ABCA4: variants seen among roughly 807,000 people sequenced by gnomAD.
The protein encoded by ABCA4 is ATP binding cassette subfamily A member 4, also known as retinal-specific phospholipid-transporting ATPase ABCA4.
A neutral mutation model predicts 263.7 loss-of-function variants in ABCA4; 196 were observed. The ratio of observed to expected loss-of-function variants is 0.74; its 90% CI spans 0.66 to 0.84. The LOEUF is 0.84. Among genes scored for constraint, ABCA4 ranks in the 40% least tolerant of loss-of-function variants. ABCA4 has a pLI of 0.00. For missense variants in ABCA4, 2,792 were observed against 2,855.1 expected (o/e 0.98, Z 0.50); for synonymous variants, 1,133 against 1,094.2 (o/e 1.04, Z -0.70).
At chr1:94,077,939 T>G (rs748230741) in intron 10 of ABCA4, 52 bp from the exon 11 acceptor site, 164 of 1,548,846 alleles carry the variant, frequency 1.1e-4, no homozygotes, top group Middle Eastern at 7.3e-4. Flanking sequence ...CCATAGGATC[T>G]TTGGTCTTGT....
In ABCA4 at chr1:94,030,466, T is replaced by C. The variant is rs1660168117; in HGVS notation, c.4314A>G (p.Pro1438=). 1.2e-6 allele frequency: 2 copies of C among 1,614,108 alleles called. No individual in the cohort carries two copies. The highest frequency in any genetic ancestry group is 1.3e-5 in the African/African-American group (1 of 74,944). ...TVLADVLLNK[P]GFGNRCLKEG... ...CCTTCAGGCAGCGGTTGCCAAAGCC[T>C]GGCTTATTCAGGAGGACGTCTGCAA... Residue 1438 remains proline (P), a synonymous_variant, in exon 29 of 50, where the codon CCA becomes CCG. Transcript: ENST00000370225.
intron 15 of ABCA4, among the ~76,000 whole-genome samples, chr1:94,055,589 T>G (rs912308446): frequency 1.3e-5 from 2 of 152,196 alleles, no homozygotes; most frequent in Non-Finnish European, 2.9e-5. Flanking sequence ...GCTAGACCTA[T>G]AGCTTCCTAG....
At chr1:94,059,869 A>C (rs1478829713) in intron 14 of ABCA4, among the ~76,000 whole-genome samples, 3 of 152,238 alleles carry the variant, frequency 2.0e-5, no homozygotes, top group African/African-American at 7.2e-5. Flanking sequence ...ATAATGTTTC[A>C]TTTCCAAGTC....
At chr1:94,002,287 G>A (rs1659212726) in intron 44 of ABCA4, among the ~76,000 whole-genome samples, 1 of 152,228 alleles carries the variant, frequency 6.6e-6, no homozygotes, top group South Asian at 2.1e-4. Context: ...GTCTCGCCCA[G>A]CGTCCTGGAC....
chr1:94,044,198 T>C (rs536927891), intron 20 of ABCA4, among the ~76,000 whole-genome samples: 4 of 151,422 alleles, frequency 2.6e-5, no homozygotes, highest in South Asian at 2.1e-4. Context: ...ATAAAAGATA[T>C]CTTATTGGGG....
Position 94,098,785 on chromosome 1 carries a change from C to G in ABCA4, c.768+9G>C. On this transcript the variant is annotated intron_variant, in intron 6 of 49. Coordinates refer to ENST00000370225, the MANE Select transcript of ABCA4 (RefSeq NM_000350.3). The stretch of plus-strand genomic sequence containing the variant: ...TTGCAATTGGCGAGCAGCCAAACCC[C>G]TCCCTTACCACACGGAAGAGCTTGA... The G allele has an allele frequency of 6.2e-7, 1 of 1,614,166 alleles. No individual in the cohort carries two copies. Among genetic ancestry groups the G allele is most frequent in the Non-Finnish European group, 8.5e-7 (1 of 1,180,026 alleles).
intron 2 of ABCA4, 128 bp from the exon 3 acceptor site, chr1:94,111,707 A>G (rs367985675): frequency 2.6e-6 from 3 of 1,139,638 alleles, no homozygotes; most frequent in East Asian, 2.4e-5. Flanking sequence ...CTCAGCATTT[A>G]AGAAGCAGGA....
chr1:94,072,245 AG>A (rs1334929631), intron 11 of ABCA4, among the ~76,000 whole-genome samples: 1 of 152,246 alleles, frequency 6.6e-6, no homozygotes, highest in Non-Finnish European at 1.5e-5. Context: ...TTGACAGCAG[AG>A]GAAAAAGCAG....
chr1:94,082,594 C>T (rs1661731240), intron 7 of ABCA4, among the ~76,000 whole-genome samples: 1 of 152,178 alleles, frequency 6.6e-6, no homozygotes, highest in African/African-American at 2.4e-5. Context: ...AGACAGATTC[C>T]AACCATGCAG....
At chr1:94,105,000 C>T (rs564723854) in intron 4 of ABCA4, among the ~76,000 whole-genome samples, 9 of 152,176 alleles carry the variant, frequency 5.9e-5, no homozygotes, top group East Asian at 1.9e-4. Context: ...TGCACACATG[C>T]GCACACATGC....
intron 1 of ABCA4, among the ~76,000 whole-genome samples, chr1:94,117,400 G>A (rs897981860): frequency 2.0e-5 from 3 of 151,998 alleles, no homozygotes; most frequent in African/African-American, 7.2e-5. Context: ...CAGGACAAAG[G>A]CCACAGCTGT....
intron 36 of ABCA4, 61 bp downstream of exon 36, chr1:94,019,521 C>T: frequency 6.5e-7 from 1 of 1,527,414 alleles, no homozygotes; most frequent in South Asian, 1.2e-5. Context: ...TCCTTCAGAG[C>T]ACACACAAGC....
At chr1:94,058,175 G>A (rs974322365) in intron 14 of ABCA4, among the ~76,000 whole-genome samples, 3 of 152,226 alleles carry the variant, frequency 2.0e-5, no homozygotes, top group East Asian at 1.9e-4. Flanking sequence ...AGAGACCCAC[G>A]CTTAACTGGA....
chr1:93,996,261 A>G, intron 48 of ABCA4, 66 bp from the exon 49 acceptor site: 1 of 1,201,510 alleles, frequency 8.3e-7, no homozygotes. Context: ...ACACCCACCT[A>G]CCCACTTTGC....
At position 94,030,432 on chromosome 1, in the gene ABCA4, G is replaced by A; in HGVS notation, c.4348C>T (p.Leu1450Phe). 1 of 1,614,178 alleles carries A rather than the reference G, an allele frequency of 6.2e-7. No homozygotes were observed. The highest frequency in any genetic ancestry group is 8.5e-7 in the Non-Finnish European group (1 of 1,180,022). ...FGNRCLKEGW[L>F]PEYPCGNSTP... The stretch of plus-strand genomic sequence containing the variant: ...CAGGGGCGCGTAGGCACTTACGGAA[G>A]CCACCCTTCCTTCAGGCAGCGGTTG... Residue 1450 changes from leucine to phenylalanine, a missense_variant, in exon 29 of 50, where the codon CTT (leucine) becomes TTT (phenylalanine). Coordinates refer to ENST00000370225, the MANE Select transcript of ABCA4 (RefSeq NM_000350.3).
chr1:94,061,777 C>T (rs182529194), intron 13 of ABCA4, among the ~76,000 whole-genome samples: 1 of 152,366 alleles, frequency 6.6e-6, no homozygotes, highest in African/African-American at 2.4e-5. Context: ...TGCAGACTGG[C>T]CACTGTTATC....
At chr1:94,116,966 TTC>T (rs60374748) in intron 1 of ABCA4, among the ~76,000 whole-genome samples, 1,891 of 101,726 alleles carry the variant, frequency 0.019, 50 homozygotes, top group East Asian at 0.083. Flanking sequence ...CTTTCTTTCT[TTC>T]TCTTTCTTTC....
At position 94,016,665 on chromosome 1, in the gene ABCA4, T is replaced by G. The variant is rs1041245932; in HGVS notation, c.5197-811A>C. Among the ~76,000 whole-genome samples the G allele has an allele frequency of 5.3e-5, 8 of 151,708 alleles. No homozygotes were observed. The South Asian group carries it at 1.7e-3, about 32-fold the overall frequency. On this transcript the variant is annotated intron_variant, in intron 36 of 49. Coordinates refer to ENST00000370225, the MANE Select transcript of ABCA4 (RefSeq NM_000350.3). ...AAAAACTAGAATGAGCCCTGTGGAG[T>G]TGGTTTTGGAGAGCTCATAGTGTTC...
At chr1:94,009,009 G>A (rs369443285) in intron 40 of ABCA4, 138 bp from the exon 41 acceptor site, 3 of 1,275,642 alleles carry the variant, frequency 2.4e-6, no homozygotes. Context: ...ATTCTAAAAA[G>A]GGCTCCCAGC....
Sources: allele counts gnomAD v4.1 joint callset (sites outside exome capture counted in the v4.1 genomes callset), GRCh38; gene constraint gnomAD v4.1.1; transcripts MANE v1.5; gene names NCBI Gene and HGNC (gene_info 2026-07-23, HGNC 2026-07-21).